SYDE2: variants seen among roughly 807,000 people sequenced by gnomAD.
The protein encoded by SYDE2 is rho GTPase-activating protein SYDE2.
In SYDE2, 76 loss-of-function variants were observed where a neutral mutation model predicts 91.5. That is an observed-to-expected ratio of 0.83 (90% CI 0.69 to 1.01). SYDE2 has a LOEUF of 1.01. Ranked by LOEUF, SYDE2 falls within the 50% of genes least tolerant of loss-of-function variation. SYDE2 has a pLI of 0.00. For missense variants in SYDE2, 1,364 were observed against 1,367.7 expected, an observed-to-expected ratio of 1.00 and a Z score of 0.04; for synonymous variants, 513 against 506.4, an observed-to-expected ratio of 1.01 and a Z score of -0.18.
At chr1:85,180,842 T>A (rs915659848) in intron 3 of SYDE2, among the ~76,000 whole-genome samples, 1 of 152,154 alleles carries the variant, frequency 6.6e-6, no homozygotes, top group Non-Finnish European at 1.5e-5. Context: ...TTGAGTTACT[T>A]AATATTCAAC....
Position 85,158,780 on chromosome 1 carries a change from G to A in SYDE2, c.3555C>T (p.Leu1185=), listed in dbSNP as rs760446386. ...DTLIGNLERE[L]NKNKLNMSF is the part of the protein sequence containing the mutation. ...AACTCATATTAAGCTTGTTTTTGTT[G>A]AGCTCACGTTCCAGATTTCCAATCA... Residue 1185 remains leucine, a synonymous_variant, in exon 7 of 7, where the codon CTC becomes CTT. Coordinates refer to ENST00000341460, the MANE Select transcript of SYDE2 (RefSeq NM_032184.2). 18 of 752,210 alleles carry A rather than the reference G, an allele frequency of 2.4e-5. No homozygotes were observed. The highest frequency in any genetic ancestry group is 3.5e-5 in the African/African-American group (2 of 57,440). 46.6% of individuals were successfully genotyped at this position (752,210 alleles called of 1,614,324 possible). A position where few individuals can be genotyped will look rare whatever the true frequency, so the allele number is the denominator to read the frequency against.
intron 6 of SYDE2, among the ~76,000 whole-genome samples, chr1:85,162,569 A>T (rs1035077950): frequency 6.2e-4 from 94 of 152,192 alleles, no homozygotes; most frequent in Admixed American, 3.4e-3. Flanking sequence ...TAAAACCACC[A>T]ACACAAATCT....
intron 4 of SYDE2, among the ~76,000 whole-genome samples, chr1:85,175,830 T>C (rs1425880696): frequency 6.6e-6 from 1 of 152,222 alleles, no homozygotes; most frequent in African/African-American, 2.4e-5. Context: ...TGCAGACAAA[T>C]CTTAAATCAT....
intron 4 of SYDE2, among the ~76,000 whole-genome samples, chr1:85,177,302 T>C (rs1657737657): frequency 6.6e-6 from 1 of 152,204 alleles, no homozygotes; most frequent in African/African-American, 2.4e-5. Flanking sequence ...AGTCACCACT[T>C]GGGTAAATAA....
chr1:85,189,966 A>G (rs1029758078), intron 2 of SYDE2, 91 bp downstream of exon 2: 50 of 1,038,262 alleles, frequency 4.8e-5, no homozygotes, highest in Non-Finnish European at 6.5e-5. Context: ...GTACATGAAT[A>G]TAACAAACAT....
intron 6 of SYDE2, chr1:85,160,261 A>T (rs1657012179): frequency 1.0e-6 from 1 of 957,494 alleles, no homozygotes; most frequent in African/African-American, 1.8e-5. Flanking sequence ...GTTGTATAAA[A>T]TAAGACAACT....
chr1:85,186,984 G>A (rs1250322425), intron 2 of SYDE2, among the ~76,000 whole-genome samples: 1 of 152,056 alleles, frequency 6.6e-6, no homozygotes, highest in African/African-American at 2.4e-5. Context: ...AACACCAAAA[G>A]CAATGGCAAC....
In SYDE2 at chr1:85,200,640, G is replaced by A. The variant is rs1014633365; in HGVS notation, c.357C>T (p.Pro119=). The change falls in exon 1 of 7, where the codon CCC becomes CCT. Residue 119 remains proline, a synonymous_variant. Transcript: ENST00000341460. ...CGTCCATCCTGCCTCCACGTGGCGG[G>A]GGCTCGTCCCAGTCCCGGTGCGCGC... ...RCGAHRDWDE[P]PPRGGRMDGW... is the part of the protein sequence containing the mutation. 1.6e-5 allele frequency: 24 copies of A among 1,543,808 alleles called. No individual in the cohort carries two copies. Among genetic ancestry groups the A allele is most frequent in the African/African-American group, 2.7e-5 (2 of 73,204 alleles).
intron 1 of SYDE2, among the ~76,000 whole-genome samples, chr1:85,194,041 CATT>C (rs1431040619): frequency 2.0e-5 from 3 of 152,030 alleles, no homozygotes; most frequent in Non-Finnish European, 2.9e-5. Context: ...ATAAATGGCA[CATT>C]ATTATAATTT....
At position 85,158,270 on chromosome 1, in the gene SYDE2, G is replaced by A. The variant is rs137975647; in HGVS notation, c.*480C>T. 0.021 allele frequency: 3,275 copies of A among 152,998 alleles called. 102 individuals carry two copies. Among genetic ancestry groups the A allele is most frequent in the African/African-American group, 0.073 (3,036 of 41,506 alleles). 9.5% of individuals were successfully genotyped at this position (152,998 alleles called of 1,614,324 possible). On this transcript the variant is annotated 3_prime_UTR_variant, in exon 7 of 7. Transcript: ENST00000341460. ...GTGGGCCCCGTCATCACAGCTACTC[G>A]GGAGGCTGTGGCAGGAGAATCACTT...
rs183388870 is a variant in SYDE2, at chr1:85,159,318, A to C, written c.3086-69T>G. Reference sequence around the variant, plus strand: ...TGAACTTAAAAAAAAAACAGAGCTAAAGATAAGCCATTTAATCATCAACTA... The same window carrying C: ...TGAACTTAAAAAAAAAACAGAGCTACAGATAAGCCATTTAATCATCAACTA... On this transcript the variant is annotated intron_variant, in intron 6 of 6. Transcript: ENST00000341460. 1.0e-3 allele frequency: 728 copies of C among 722,704 alleles called. 4 individuals carry two copies. The African/African-American group carries it at 0.012, about 12-fold the overall frequency. 44.8% of individuals were successfully genotyped at this position (722,704 alleles called of 1,614,324 possible).
intron 3 of SYDE2, among the ~76,000 whole-genome samples, 181 bp from the exon 4 acceptor site, chr1:85,178,453 ATTC>A (rs1557748985): frequency 6.6e-6 from 1 of 152,190 alleles, no homozygotes; most frequent in Admixed American, 6.5e-5. Context: ...AAAATATCCT[ATTC>A]TTTCATTTAA....
chr1:85,177,279 T>C (rs1372602453), intron 4 of SYDE2, among the ~76,000 whole-genome samples: 1 of 152,186 alleles, frequency 6.6e-6, no homozygotes, highest in African/African-American at 2.4e-5. Flanking sequence ...TCCAATGCCA[T>C]ACATTGAATT....
At chr1:85,183,540 A>G (rs1051434209) in intron 2 of SYDE2, among the ~76,000 whole-genome samples, 1 of 149,234 alleles carries the variant, frequency 6.7e-6, no homozygotes, top group Non-Finnish European at 1.5e-5. Context: ...AAAAACAACA[A>G]ATGACCTTTC....
chr1:85,177,024 T>A (rs996825241), intron 4 of SYDE2, among the ~76,000 whole-genome samples: 1 of 152,142 alleles, frequency 6.6e-6, no homozygotes, highest in East Asian at 1.9e-4. Flanking sequence ...TCTCATATAA[T>A]CTCTCCATAG....
chr1:85,191,614 C>T (rs191673710), intron 1 of SYDE2, among the ~76,000 whole-genome samples: 1 of 151,864 alleles, frequency 6.6e-6, no homozygotes, highest in Non-Finnish European at 1.5e-5. Context: ...AAAAATTAGC[C>T]GGGCATGGTG....
downstream of SYDE2, among the ~76,000 whole-genome samples, chr1:85,155,873 TAAG>T (rs1321896892): frequency 1.8e-4 from 28 of 152,174 alleles, no homozygotes. Flanking sequence ...TAGTATAACT[TAAG>T]AGAAGTTAGG....
intron 4 of SYDE2, among the ~76,000 whole-genome samples, chr1:85,173,844 T>G (rs1657590846): frequency 6.6e-6 from 1 of 152,204 alleles, no homozygotes; most frequent in Non-Finnish European, 1.5e-5. Flanking sequence ...GTATTTCATA[T>G]GTTCAAGAAG....
chr1:85,178,528 C>T (rs1352615126), intron 3 of SYDE2, among the ~76,000 whole-genome samples: 1 of 151,984 alleles, frequency 6.6e-6, no homozygotes, highest in African/African-American at 2.4e-5. Context: ...AAACACAATC[C>T]CTTCTTTTCA....
Sources: gnomAD v4.1 joint callset for allele counts (sites outside exome capture counted in the v4.1 genomes callset) on GRCh38, gnomAD v4.1.1 for gene constraint, MANE v1.5 for transcripts, NCBI Gene and HGNC (gene_info 2026-07-23, HGNC 2026-07-21) for gene names.